The following ITGA2 variants were observed in gnomAD, a reference collection of about 807,000 sequenced individuals.
The protein encoded by ITGA2 is integrin alpha-2.
In ITGA2, 101 loss-of-function variants were observed where a neutral mutation model predicts 146.3. That is an observed-to-expected ratio of 0.69 (90% CI 0.59 to 0.81). ITGA2 has a LOEUF of 0.81. Ranked by LOEUF, ITGA2 falls within the 40% of genes least tolerant of loss-of-function variation. ITGA2 has a pLI of 0.00. For synonymous variants in ITGA2, 477 were observed against 487.1 expected, an observed-to-expected ratio of 0.98 and a Z score of 0.27; for missense variants, 1,281 against 1,402.7, an observed-to-expected ratio of 0.91 and a Z score of 1.39.
At chr5:53,042,416 A>T (rs1391738872) in intron 3 of ITGA2, among the ~76,000 whole-genome samples, 195 bp downstream of exon 3, 1 of 152,224 alleles carries the variant, frequency 6.6e-6, no homozygotes, top group East Asian at 1.9e-4. Context: ...GATGCGTGGA[A>T]AATGTGCTAT....
rs1421936 is a variant in ITGA2, at chr5:53,046,442, G to C, written c.387+1350G>C. Reference sequence around the variant, plus strand: ...TATGTGTTAACATCAGTGCATAAATGAATATTGCAATGGATCTTTATGGTT... The same window carrying C: ...TATGTGTTAACATCAGTGCATAAATCAATATTGCAATGGATCTTTATGGTT... On this transcript the variant is annotated intron_variant, in intron 4 of 29. Transcript: ENST00000296585. 6.0e-3 allele frequency among the ~76,000 whole-genome samples: 919 copies of C among 151,988 alleles called. 6 individuals are homozygous for C. The highest frequency in any genetic ancestry group is 0.021 in the African/African-American group (880 of 41,486).
intron 1 of ITGA2, among the ~76,000 whole-genome samples, chr5:53,022,060 C>T (rs1035533054): frequency 1.3e-5 from 2 of 152,226 alleles, no homozygotes; most frequent in Non-Finnish European, 2.9e-5. Flanking sequence ...CTACAAAATG[C>T]ATCCTTTAGT....
chr5:53,057,143 G>A (rs1411173707), intron 9 of ITGA2, among the ~76,000 whole-genome samples: 1 of 151,964 alleles, frequency 6.6e-6, no homozygotes, highest in African/African-American at 2.4e-5. Flanking sequence ...GTATTTGTTT[G>A]TAGTGGAATG....
chr5:53,029,582 A>G (rs1006613697), intron 2 of ITGA2, among the ~76,000 whole-genome samples: 12 of 152,322 alleles, frequency 7.9e-5, no homozygotes, highest in African/African-American at 2.9e-4. Flanking sequence ...CTATCTATAT[A>G]GCACTCGACT....
intron 1 of ITGA2, among the ~76,000 whole-genome samples, chr5:53,022,186 T>C (rs959794956): frequency 2.0e-5 from 3 of 147,764 alleles, no homozygotes; most frequent in Non-Finnish European, 4.5e-5. Context: ...TAAAAGACTT[T>C]TTCCTTTCTG....
intron 2 of ITGA2, among the ~76,000 whole-genome samples, chr5:53,040,416 C>T (rs1242039301): frequency 6.6e-6 from 1 of 152,162 alleles, no homozygotes; most frequent in Non-Finnish European, 1.5e-5. Context: ...CTAATTTCTT[C>T]TGAGCTATCA....
chr5:53,057,903 TG>T (rs1744714188), intron 9 of ITGA2, 121 bp from the exon 10 acceptor site: 2 of 729,788 alleles, frequency 2.7e-6, no homozygotes, highest in Non-Finnish European at 5.0e-6. Context: ...GGGTGAGTAT[TG>T]GAACAGTGTG....
chr5:53,090,965 A>T lies in ITGA2; in HGVS notation c.*366A>T. ...ATGATACTCTCAGATTTTAAGGGGG[A>T]AAACTGTTCTCTTTAAAATATTTGT... On this transcript the variant is annotated 3_prime_UTR_variant, in exon 30 of 30. Transcript: ENST00000296585. The T allele has an allele frequency of 7.9e-6, 4 of 508,258 alleles. No individual in the cohort carries two copies. 31.5% of individuals were successfully genotyped at this position (508,258 alleles called of 1,614,324 possible). A position where few individuals can be genotyped will look rare whatever the true frequency, so the allele number is the denominator to read the frequency against.
At chr5:53,068,236 A>G (rs1484321271) in intron 16 of ITGA2, among the ~76,000 whole-genome samples, 1 of 151,912 alleles carries the variant, frequency 6.6e-6, no homozygotes, top group East Asian at 1.9e-4. Flanking sequence ...CATGCTTTCC[A>G]TATTTTCCTA....
At chr5:53,081,538 A>G (rs1433466763) in intron 25 of ITGA2, 54 bp from the exon 26 acceptor site, 3 of 1,332,944 alleles carry the variant, frequency 2.3e-6, no homozygotes, top group South Asian at 2.4e-5. Context: ...TGTTGAAAGG[A>G]ACATCATAAA....
At chr5:53,002,638 C>T (rs1741639016) in intron 1 of ITGA2, among the ~76,000 whole-genome samples, 1 of 152,104 alleles carries the variant, frequency 6.6e-6, no homozygotes, top group African/African-American at 2.4e-5. Flanking sequence ...TATTTTGCCC[C>T]CCACTGTAAA....
At chr5:53,077,966 C>T (rs751827947) in intron 23 of ITGA2, among the ~76,000 whole-genome samples, 11 of 152,108 alleles carry the variant, frequency 7.2e-5, no homozygotes, top group South Asian at 6.2e-4. Flanking sequence ...TAATCCCCCA[C>T]GCAAAGAAGC....
At chr5:52,999,495 G>A (rs1017883234) in intron 1 of ITGA2, among the ~76,000 whole-genome samples, 2 of 152,008 alleles carry the variant, frequency 1.3e-5, no homozygotes, top group African/African-American at 4.8e-5. Flanking sequence ...AGAGACAAAG[G>A]TCTTTATTAC....
intron 1 of ITGA2, among the ~76,000 whole-genome samples, chr5:53,002,078 C>G (rs1475557413): frequency 6.6e-6 from 1 of 151,946 alleles, no homozygotes; most frequent in Non-Finnish European, 1.5e-5. Flanking sequence ...TTTCCAAATT[C>G]TCCTCATACT....
intron 27 of ITGA2, among the ~76,000 whole-genome samples, chr5:53,084,760 T>C (rs1746081806): frequency 6.6e-6 from 1 of 152,108 alleles, no homozygotes; most frequent in Admixed American, 6.5e-5. Flanking sequence ...GAACAAATGT[T>C]TTCATAGCAA....
In ITGA2 at chr5:53,091,813, A is replaced by G. The variant is rs187264968; in HGVS notation, c.*1214A>G. ...AAAATAAGCTCGAGTGAATTTCTAA[A>G]TGTTGGAATGTTATGGGATGTAAAC... On this transcript the variant is annotated 3_prime_UTR_variant, in exon 30 of 30. Transcript: ENST00000296585. 1.3e-5 allele frequency: 2 copies of G among 152,312 alleles called. No homozygotes were observed. Among genetic ancestry groups the G allele is most frequent in the African/African-American group, 4.8e-5 (2 of 41,568 alleles). The allele number at this position is 152,312 out of a possible 1,614,324, so 9.4% of individuals were successfully genotyped here. A position where few individuals can be genotyped will look rare whatever the true frequency, so the allele number is the denominator to read the frequency against.
In ITGA2 at chr5:53,090,702, C is replaced by A; in HGVS notation, c.*103C>A. 1 of 859,932 alleles carries A rather than the reference C, an allele frequency of 1.2e-6. No homozygotes were observed. Among genetic ancestry groups the A allele is most frequent in the Non-Finnish European group, 1.9e-6 (1 of 533,234 alleles). 53.3% of individuals were successfully genotyped at this position (859,932 alleles called of 1,614,324 possible). On this transcript the variant is annotated 3_prime_UTR_variant, in exon 30 of 30. Coordinates refer to ENST00000296585, the MANE Select transcript of ITGA2 (RefSeq NM_002203.4). ...AAATCCCATATTTTTTTTATCATGT[C>A]GTAGGTAAACTAACCTGGTATTTTA...
At chr5:53,001,059 G>A (rs142865554) in intron 1 of ITGA2, among the ~76,000 whole-genome samples, 2,561 of 151,854 alleles carry the variant, frequency 0.017, 54 homozygotes, top group East Asian at 0.065. Context: ...GTACCACCAT[G>A]CTGGGCTAAT....
intron 1 of ITGA2, among the ~76,000 whole-genome samples, chr5:52,993,800 T>C (rs1440514281): frequency 1.3e-5 from 2 of 152,198 alleles, no homozygotes; most frequent in African/African-American, 4.8e-5. Flanking sequence ...TCACATAAAT[T>C]CTACCACTAA....
Sources: allele counts gnomAD v4.1 joint callset (sites outside exome capture counted in the v4.1 genomes callset), GRCh38; gene constraint gnomAD v4.1.1; transcripts MANE v1.5; gene names NCBI Gene and HGNC (gene_info 2026-07-23, HGNC 2026-07-21).